CCDC171: variants seen among roughly 807,000 people sequenced by gnomAD.
CCDC171 encodes the protein coiled-coil domain-containing protein 171.
A neutral mutation model predicts 168.2 loss-of-function variants in CCDC171; 177 were observed. The observed-to-expected ratio is 1.05, with a 90% CI of 0.93 to 1.19. The LOEUF (loss-of-function observed/expected upper bound fraction) is 1.19, where lower values mean the gene tolerates loss of function less well. Among genes scored for constraint, CCDC171 ranks in the 50% most tolerant of loss-of-function variants. The pLI is 0.00. For missense variants in CCDC171, 1,991 were observed against 1,539.0 expected, an observed-to-expected ratio of 1.29 and a Z score of -4.91; for synonymous variants, 687 against 540.8, an observed-to-expected ratio of 1.27 and a Z score of -3.75.
At chr9:15,769,794 G>C (rs2056918798) in intron 18 of CCDC171, among the ~76,000 whole-genome samples, 1 of 152,058 alleles carries the variant, frequency 6.6e-6, no homozygotes, top group Non-Finnish European at 1.5e-5. Context: ...TGTTTATGTT[G>C]CTTTTCAGTA....
intron 25 of CCDC171, among the ~76,000 whole-genome samples, chr9:15,945,911 T>A (rs1309330847): frequency 1.3e-5 from 2 of 150,460 alleles, no homozygotes; most frequent in African/African-American, 4.8e-5. Flanking sequence ...AATTTTGCCT[T>A]TGGTTGCCAT....
At chr9:16,086,957 T>G in the CCDC171 span, among the ~76,000 whole-genome samples, 1 of 152,218 alleles carries the variant, frequency 6.6e-6, no homozygotes, top group East Asian at 1.9e-4. Flanking sequence ...TTTTAAAAAC[T>G]TATTTATTTC....
At chr9:15,759,140 C>A (rs554597101) in intron 18 of CCDC171, among the ~76,000 whole-genome samples, 2 of 152,166 alleles carry the variant, frequency 1.3e-5, no homozygotes, top group Admixed American at 1.3e-4. Context: ...CTCCTTTCCT[C>A]CTATCCATCC....
intron 1 of CCDC171, among the ~76,000 whole-genome samples, chr9:16,059,664 G>C (rs1394466807): frequency 4.0e-5 from 6 of 150,240 alleles, no homozygotes. Context: ...ACAGGCGCCC[G>C]CCACCGCGCC....
rs553983614 is a variant in CCDC171 at position 15,926,189 on chromosome 9, A to G, written c.3753+5767A>G. Among the ~76,000 whole-genome samples the G allele has an allele frequency of 9.0e-4, 136 of 151,856 alleles. 1 individual carries two copies. The highest frequency in any genetic ancestry group is 2.5e-3 in the African/African-American group (105 of 41,530). ...AATGTATAGCAATTTGACACATTGTAAAGTGGGAAGAGCAATCAAAATATA... is the reference window on the plus strand; with the variant it reads ...AATGTATAGCAATTTGACACATTGTGAAGTGGGAAGAGCAATCAAAATATA... On this transcript the variant is annotated intron_variant, in intron 25 of 25. Coordinates refer to ENST00000380701, the MANE Select transcript of CCDC171 (RefSeq NM_173550.4).
chr9:16,082,397 C>T, the CCDC171 span, among the ~76,000 whole-genome samples: 2 of 152,132 alleles, frequency 1.3e-5, no homozygotes, highest in African/African-American at 4.8e-5. Context: ...TTTAGATGTT[C>T]GGTCTCTCTT....
chr9:15,637,851 T>A (rs1036828802), intron 7 of CCDC171, among the ~76,000 whole-genome samples: 1 of 152,124 alleles, frequency 6.6e-6, no homozygotes, highest in Non-Finnish European at 1.5e-5. Flanking sequence ...TGCCACATTT[T>A]CTTAATCCAG....
At chr9:15,557,355 A>G (rs199606256) in intron 1 of CCDC171, among the ~76,000 whole-genome samples, 2 of 151,944 alleles carry the variant, frequency 1.3e-5, no homozygotes, top group Non-Finnish European at 2.9e-5. Context: ...TCACAATATT[A>G]ATTCTTCCTA....
intron 25 of CCDC171, among the ~76,000 whole-genome samples, chr9:15,938,287 T>C (rs915148755): frequency 2.6e-5 from 4 of 151,850 alleles, no homozygotes; most frequent in African/African-American, 9.7e-5. Flanking sequence ...AGATTTTCTT[T>C]TTGAAAATGA....
chr9:15,555,598 A>G (rs999019615), intron 1 of CCDC171, among the ~76,000 whole-genome samples: 3 of 152,210 alleles, frequency 2.0e-5, no homozygotes, highest in Non-Finnish European at 4.4e-5. Context: ...AGAGCTCTGG[A>G]GTCAGCTAAC....
At chr9:15,983,596 G>C (rs963426825) in intron 3 of CCDC171, among the ~76,000 whole-genome samples, 1 of 150,554 alleles carries the variant, frequency 6.6e-6, no homozygotes, top group African/African-American at 2.4e-5. Context: ...GGGATCCTCA[G>C]TTCTCCTCCC....
At chr9:15,898,658 C>G (rs1376788323) in intron 24 of CCDC171, among the ~76,000 whole-genome samples, 1 of 151,740 alleles carries the variant, frequency 6.6e-6, no homozygotes. Context: ...GTATATCTTC[C>G]CTTTTAAATA....
intron 6 of CCDC171, among the ~76,000 whole-genome samples, chr9:15,619,582 A>ACTTTT (rs2044350431): frequency 6.6e-6 from 1 of 152,220 alleles, no homozygotes; most frequent in African/African-American, 2.4e-5. Flanking sequence ...TTGGTTCATG[A>ACTTTT]CTTTTAGGGA....
chr9:15,989,865 A>G (rs1276524092), intron 3 of CCDC171, among the ~76,000 whole-genome samples: 2 of 152,174 alleles, frequency 1.3e-5, no homozygotes, highest in Non-Finnish European at 2.9e-5. Flanking sequence ...AAGTGAGAAG[A>G]GAAGTTTAGA....
chr9:15,555,584 C>G (rs373079254), intron 1 of CCDC171, among the ~76,000 whole-genome samples: 7 of 152,216 alleles, frequency 4.6e-5, no homozygotes, highest in East Asian at 1.9e-4. Flanking sequence ...GCAAGGCACA[C>G]AGCAGAGCTC....
downstream of CCDC171, among the ~76,000 whole-genome samples, chr9:16,066,570 C>T (rs1294565439): frequency 6.7e-6 from 1 of 149,524 alleles, no homozygotes; most frequent in African/African-American, 2.5e-5. Context: ...ACTAACTCGT[C>T]ATCTAGCATT....
chr9:15,744,299 C>A lies in CCDC171; in HGVS notation c.2076C>A (p.Asn692Lys), dbSNP rs201523010. 362 of 1,582,218 alleles carry A rather than the reference C, an allele frequency of 2.3e-4. 2 individuals carry two copies. In the Middle Eastern group the frequency reaches 8.3e-3, roughly 36 times the overall value. The change falls in exon 17 of 26, where the codon AAC becomes AAA. Residue 692 changes from asparagine to lysine, a missense_variant. Transcript: ENST00000380701. ...AQKFQEIAEKNMEKLNHIEKS... is the reference protein window; with the variant it reads ...AQKFQEIAEKKMEKLNHIEKS... The stretch of plus-strand genomic sequence containing the variant: ...AATTTCAAGAAATTGCTGAAAAAAA[C>A]ATGGAAAAATTGAACCATATTGAGA...
intron 23 of CCDC171, among the ~76,000 whole-genome samples, chr9:15,860,883 C>T (rs899162201): frequency 6.7e-6 from 1 of 148,244 alleles, no homozygotes; most frequent in Non-Finnish European, 1.5e-5. Flanking sequence ...GTCTATATTC[C>T]CTTCAGTTCT....
chr9:15,990,757 A>G (rs1042843058), intron 3 of CCDC171, among the ~76,000 whole-genome samples: 8 of 152,226 alleles, frequency 5.3e-5, no homozygotes, highest in Admixed American at 3.9e-4. Context: ...GAAAACAAAA[A>G]AAGGCAGGAG....
Sources: gnomAD v4.1 joint callset for allele counts (sites outside exome capture counted in the v4.1 genomes callset) on GRCh38, gnomAD v4.1.1 for gene constraint, MANE v1.5 for transcripts, NCBI Gene and HGNC (gene_info 2026-07-23, HGNC 2026-07-21) for gene names.